Variants in STK10 observed in about 807,000 individuals in gnomAD.
The protein encoded by STK10 is serine/threonine kinase 10, also known as serine/threonine-protein kinase 10.
In STK10, 78 loss-of-function variants were observed where a neutral mutation model predicts 113.8. That is an observed-to-expected ratio of 0.69 (90% confidence interval 0.57 to 0.83). The LOEUF (loss-of-function observed/expected upper bound fraction) is 0.83, where lower values mean the gene tolerates loss of function less well. STK10 is among the 40% of genes least tolerant of loss of function. STK10 has a pLI of 0.00. For synonymous variants in STK10, 465 were observed against 494.7 expected (o/e 0.94, Z 0.80); for missense variants, 1,109 against 1,280.1 (o/e 0.87, Z 2.04).
At chr5:172,114,888 C>G (rs534798923) in intron 4 of STK10, 5 of 152,364 alleles carry the variant, frequency 3.3e-5, no homozygotes, top group African/African-American at 1.2e-4. Flanking sequence ...TTCACTGACT[C>G]TCCTCCTCGC....
At chr5:172,163,927 C>T (rs944085898) in intron 1 of STK10, among the ~76,000 whole-genome samples, 14 of 151,966 alleles carry the variant, frequency 9.2e-5, no homozygotes, top group Admixed American at 5.3e-4. Context: ...AGAATAGGCA[C>T]GTGGCCAGGC....
chr5:172,069,339 G>A (rs1327547969), intron 12 of STK10, among the ~76,000 whole-genome samples: 1 of 152,090 alleles, frequency 6.6e-6, no homozygotes, highest in African/African-American at 2.4e-5. Flanking sequence ...TTGAAAGGAT[G>A]GGAAAAGATA....
intron 2 of STK10, among the ~76,000 whole-genome samples, chr5:172,151,346 CTTTTTT>C (rs1214755611): frequency 3.4e-5 from 5 of 145,352 alleles, no homozygotes; most frequent in African/African-American, 1.3e-4. Context: ...TTTTCTTTTT[CTTTTTT>C]TTTTTTAATT....
Position 172,090,317 on chromosome 5 carries a change from C to A in STK10, c.1600G>T (p.Val534Leu). 2 of 1,614,114 alleles carry A rather than the reference C, an allele frequency of 1.2e-6. No individual in the cohort carries two copies. Among genetic ancestry groups the A allele is most frequent in the Non-Finnish European group, 8.5e-7 (1 of 1,180,008 alleles). ...KKTLKRTRKFVVDGVEVSITT... is the reference protein window; with the variant it reads ...KKTLKRTRKFLVDGVEVSITT... ...ATGCTCACCTCCACACCATCCACCA[C>A]AAATTTGCGTGTCCGCTTGAGGGTT... is the stretch of plus-strand genomic sequence containing the variant. The change falls in exon 10 of 19, where the codon GTG (valine) becomes TTG (leucine). Residue 534 changes from valine (V) to leucine (L), a missense_variant. Val to Leu is a conservative substitution (Grantham distance 32, BLOSUM62 1). This residue lies in a region of STK10 where 885 missense variants were observed against 991.1 expected (regional missense o/e 0.89). Coordinates refer to ENST00000176763, the MANE Select transcript of STK10 (RefSeq NM_005990.4).
chr5:172,129,747 GA>G (rs1214372439), intron 2 of STK10, among the ~76,000 whole-genome samples: 3 of 151,710 alleles, frequency 2.0e-5, no homozygotes, highest in East Asian at 3.9e-4. Context: ...CTAACTGCTA[GA>G]AAAAAAACAA....
At chr5:172,064,576 G>T in intron 13 of STK10, 144 bp downstream of exon 13, 1 of 764,760 alleles carries the variant, frequency 1.3e-6, no homozygotes, top group Non-Finnish European at 2.2e-6. Context: ...GGGATAATGG[G>T]GCCATGAAGG....
rs558943666 is a variant in STK10 at position 172,186,637 on chromosome 5, A to C, written c.156+1250T>G. 2.0e-5 allele frequency among the ~76,000 whole-genome samples: 3 copies of C among 152,224 alleles called. No homozygotes were observed. In the East Asian group the frequency reaches 5.8e-4, roughly 29 times the overall value. On this transcript the variant is annotated intron_variant, in intron 1 of 18. Transcript: ENST00000176763. ...ACCCTGTCTCAAAAAAAAGAAAAGA[A>C]AAAAGAAAAAACGCCACCACTCCAA...
intron 12 of STK10, among the ~76,000 whole-genome samples, chr5:172,075,860 A>C (rs1768293985): frequency 6.6e-6 from 1 of 152,178 alleles, no homozygotes. Context: ...GAGGACCTGG[A>C]GCAACTGGAA....
chr5:172,170,367 G>A (rs1198930394), intron 1 of STK10, among the ~76,000 whole-genome samples: 1 of 152,130 alleles, frequency 6.6e-6, no homozygotes, highest in East Asian at 1.9e-4. Flanking sequence ...GGGCCAGGAT[G>A]TACACAGCTG....
intron 14 of STK10, 59 bp downstream of exon 14, chr5:172,061,080 G>A: frequency 6.5e-7 from 1 of 1,542,094 alleles, no homozygotes; most frequent in Non-Finnish European, 8.7e-7. Flanking sequence ...CACTTCCCAG[G>A]GCTGGGATGT....
chr5:172,148,461 T>C (rs1357924158), intron 2 of STK10, among the ~76,000 whole-genome samples: 2 of 152,164 alleles, frequency 1.3e-5, no homozygotes, highest in Non-Finnish European at 2.9e-5. Context: ...CCCTTGCTCC[T>C]CTGCATGTGA....
Position 172,043,698 on chromosome 5 carries a change from C to T in STK10, c.*1184G>A, listed in dbSNP as rs991252172. ...AGAATCTGGGGGAAGCCAACTGAGACCCCGAAGGCCCAGCAGGAGTCCATC... is the reference window on the plus strand; with the variant it reads ...AGAATCTGGGGGAAGCCAACTGAGATCCCGAAGGCCCAGCAGGAGTCCATC... On this transcript the variant is annotated 3_prime_UTR_variant, in exon 19 of 19. Transcript: ENST00000176763. 5 of 152,176 alleles carry T rather than the reference C, an allele frequency of 3.3e-5. No individual in the cohort carries two copies. Among genetic ancestry groups the T allele is most frequent in the African/African-American group, 7.2e-5 (3 of 41,436 alleles). The allele number at this position is 152,176 out of a possible 1,614,324, so 9.4% of individuals were successfully genotyped here. A position where few individuals can be genotyped will look rare whatever the true frequency, so the allele number is the denominator to read the frequency against.
At chr5:172,124,886 T>A (rs6886421) in intron 3 of STK10, among the ~76,000 whole-genome samples, 114,906 of 144,486 alleles carry the variant, frequency 0.8, 44,352 homozygotes, top group East Asian at 0.96. Context: ...ATATATATAT[T>A]TTTTTCCCCC....
intron 9 of STK10, among the ~76,000 whole-genome samples, chr5:172,090,663 A>G (rs540463487): frequency 1.3e-5 from 2 of 151,950 alleles, no homozygotes; most frequent in East Asian, 3.9e-4. Flanking sequence ...CTTGCCAGGC[A>G]CGGTGGCTTA....
At chr5:172,089,339 G>A (rs1768635372) in intron 10 of STK10, among the ~76,000 whole-genome samples, 1 of 151,246 alleles carries the variant, frequency 6.6e-6, no homozygotes, top group South Asian at 2.1e-4. Flanking sequence ...CAAGGGCAAT[G>A]GCCTTATCTA....
At chr5:172,136,349 C>T (rs1292312884) in intron 2 of STK10, among the ~76,000 whole-genome samples, 1 of 152,200 alleles carries the variant, frequency 6.6e-6, no homozygotes, top group Non-Finnish European at 1.5e-5. Flanking sequence ...GTCATCCCAG[C>T]ACTTTGGAAG....
Position 172,054,844 on chromosome 5 carries a change from G to A in STK10, c.2527-150C>T, listed in dbSNP as rs767382811. 7 of 1,199,936 alleles carry A rather than the reference G, an allele frequency of 5.8e-6. No individual in the cohort carries two copies. The African/African-American group carries it at 1.1e-4, about 18-fold the overall frequency. The allele number at this position is 1,199,936 out of a possible 1,614,324, so 74.3% of individuals were successfully genotyped here. A position where few individuals can be genotyped will look rare whatever the true frequency, so the allele number is the denominator to read the frequency against. On this transcript the variant is annotated intron_variant, in intron 16 of 18. Transcript: ENST00000176763. Reference sequence around the variant, plus strand: ...CAGCACCACCTCAGGCTGTGCCCGTGTTAAGTCCTCACCCTGAGCTGAGAC... The same window carrying A: ...CAGCACCACCTCAGGCTGTGCCCGTATTAAGTCCTCACCCTGAGCTGAGAC...
chr5:172,165,938 C>A (rs1770563321), intron 1 of STK10, among the ~76,000 whole-genome samples: 1 of 152,200 alleles, frequency 6.6e-6, no homozygotes, highest in South Asian at 2.1e-4. Flanking sequence ...GGATTACAGG[C>A]ATGCGCCACC....
chr5:172,057,004 G>GAGA (rs1554115578), intron 15 of STK10: 1 of 73,394 alleles, frequency 1.4e-5, no homozygotes, highest in African/African-American at 5.1e-5. Flanking sequence ...AGAGAAAGAA[G>GAGA]GAAAGAAAGA....
Sources: allele counts gnomAD v4.1 joint callset (sites outside exome capture counted in the v4.1 genomes callset), GRCh38; gene constraint gnomAD v4.1.1; regional missense constraint gnomAD v4.1.1; transcripts MANE v1.5; gene names NCBI Gene and HGNC (gene_info 2026-07-23, HGNC 2026-07-21).